The following LRRC36 variants were observed in gnomAD, a reference collection of about 807,000 sequenced individuals.
The protein encoded by LRRC36 is leucine-rich repeat-containing protein 36.
LRRC36 carries 62 observed loss-of-function variants against 81.1 expected under a neutral mutation model. The observed-to-expected ratio is 0.76, with a 90% confidence interval of 0.62 to 0.94. The LOEUF (loss-of-function observed/expected upper bound fraction) is 0.94, where lower values mean the gene tolerates loss of function less well. Among genes scored for constraint, LRRC36 ranks in the 40% least tolerant of loss-of-function variants. The pLI is 0.00. For missense variants in LRRC36, 761 were observed against 881.7 expected (o/e 0.86, Z 1.73); for synonymous variants, 334 against 348.6 (o/e 0.96, Z 0.47).
At chr16:67,358,411 C>T (rs2038995300) in intron 5 of LRRC36, among the ~76,000 whole-genome samples, 1 of 151,896 alleles carries the variant, frequency 6.6e-6, no homozygotes, top group African/African-American at 2.4e-5. Context: ...GGCACAGTCA[C>T]AGCTCACTGC....
chr16:67,362,179 C>T (rs752704389), intron 5 of LRRC36: 1 of 452,924 alleles, frequency 2.2e-6, no homozygotes, highest in South Asian at 1.6e-5. Context: ...TTTTTTCTTC[C>T]CGAGAAAGAG....
intron 9 of LRRC36, 151 bp downstream of exon 9, chr16:67,371,393 C>G: frequency 3.4e-6 from 3 of 873,906 alleles, no homozygotes; most frequent in Non-Finnish European, 5.5e-6. Flanking sequence ...GCCAAGCTAA[C>G]ACCTGTTGAG....
chr16:67,368,284 T>C (rs1257373903), intron 8 of LRRC36, among the ~76,000 whole-genome samples: 1 of 152,206 alleles, frequency 6.6e-6, no homozygotes, highest in Non-Finnish European at 1.5e-5. Flanking sequence ...ATGATAAACA[T>C]TTTAGCATGC....
At chr16:67,329,634 A>G (rs2037377929) in intron 1 of LRRC36, among the ~76,000 whole-genome samples, 1 of 152,102 alleles carries the variant, frequency 6.6e-6, no homozygotes, top group Admixed American at 6.6e-5. Flanking sequence ...ATTAGAATCC[A>G]TGGCCGGGTG....
intron 1 of LRRC36, chr16:67,336,605 G>A (rs1007963037): frequency 6.6e-6 from 1 of 152,082 alleles, no homozygotes; most frequent in Non-Finnish European, 1.5e-5. Flanking sequence ...GTTTAGTGGA[G>A]TGTCTGGTTT....
chr16:67,385,072 C>T lies in LRRC36; in HGVS notation c.2248C>T (p.Pro750Ser), dbSNP rs767727566. 1.9e-6 allele frequency: 3 copies of T among 1,613,762 alleles called. No homozygotes were observed. The highest frequency in any genetic ancestry group is 2.2e-5 in the South Asian group (2 of 91,060). The change falls in exon 14 of 14, where the codon CCA (proline) becomes TCA (serine). Residue 750 changes from proline to serine, a missense_variant. This residue lies in a region of LRRC36 where 359 missense variants were observed against 388.4 expected (regional missense o/e 0.92). Transcript: ENST00000329956. Reference protein sequence around the residue: ...YLIQSVLDAAPEPGL With the variant: ...YLIQSVLDAASEPGL ...AATACAGAGCGTCTTGGATGCTGCC[C>T]CAGAGCCTGGCTTATAGAGCTAGCA...
At chr16:67,363,839 T>TCCTTTAAAAGGGTC in intron 6 of LRRC36, 125 bp downstream of exon 6, 1 of 1,031,994 alleles carries the variant, frequency 9.7e-7, no homozygotes, top group Non-Finnish European at 1.4e-6. Context: ...TTAGACCCTT[T>TCCTTTAAAAGGGTC]TAAAGGAAAG....
intron 9 of LRRC36, among the ~76,000 whole-genome samples, chr16:67,374,786 ATAT>A (rs2039814219): frequency 6.6e-6 from 1 of 152,136 alleles, no homozygotes; most frequent in Non-Finnish European, 1.5e-5. Context: ...GACATAAATA[ATAT>A]TATGCTACTC....
chr16:67,371,196 C>A lies in LRRC36; in HGVS notation c.1448C>A (p.Ala483Asp), dbSNP rs1157096427. The change falls in exon 9 of 14, where the codon GCC (alanine) becomes GAC (aspartate). Residue 483 changes from alanine (A) to aspartate (D), a missense_variant. Coordinates refer to ENST00000329956, the MANE Select transcript of LRRC36 (RefSeq NM_018296.6). ...TTCAAATGGAAGGACAATATCCTTG[C>A]CAACCTGAATCTAAAGCATGGTTTC... ...RGFKWKDNIL[A>D]NLNLKHGFQD... The A allele has an allele frequency of 4.1e-5, 66 of 1,614,086 alleles. No individual in the cohort carries two copies. The highest frequency in any genetic ancestry group is 5.5e-5 in the Non-Finnish European group (65 of 1,180,046).
intron 5 of LRRC36, among the ~76,000 whole-genome samples, chr16:67,357,950 C>A (rs77859169): frequency 6.6e-6 from 1 of 152,102 alleles, no homozygotes; most frequent in Non-Finnish European, 1.5e-5. Context: ...ATTGTCCTGT[C>A]GCATTGATTA....
At chr16:67,375,036 A>G (rs1038587667) in intron 9 of LRRC36, among the ~76,000 whole-genome samples, 3 of 151,964 alleles carry the variant, frequency 2.0e-5, no homozygotes, top group African/African-American at 7.3e-5. Context: ...CTGAGGCACA[A>G]GAATCGCTTG....
intron 8 of LRRC36, among the ~76,000 whole-genome samples, chr16:67,368,462 G>C (rs2039497891): frequency 6.6e-6 from 1 of 152,180 alleles, no homozygotes; most frequent in Non-Finnish European, 1.5e-5. Context: ...TGTGGGTCTG[G>C]GAGGAGAACT....
chr16:67,360,218 G>A (rs2142076026), intron 5 of LRRC36, among the ~76,000 whole-genome samples: 1 of 152,214 alleles, frequency 6.6e-6, no homozygotes, highest in East Asian at 1.9e-4. Flanking sequence ...CTGTACATCA[G>A]AAGAGAGACC....
chr16:67,376,952 G>A (rs922109371), intron 11 of LRRC36, 80 bp downstream of exon 11: 19 of 1,431,642 alleles, frequency 1.3e-5, no homozygotes, highest in East Asian at 4.7e-5. Context: ...CAGCATCACC[G>A]TGAACACCTA....
intron 5 of LRRC36, among the ~76,000 whole-genome samples, chr16:67,361,767 A>G (rs899391872): frequency 2.6e-5 from 4 of 151,958 alleles, no homozygotes; most frequent in African/African-American, 9.7e-5. Flanking sequence ...GAGTTTCACC[A>G]TGTTGGCCAC....
intron 12 of LRRC36, among the ~76,000 whole-genome samples, chr16:67,379,987 G>C (rs1317545444): frequency 6.6e-6 from 1 of 151,730 alleles, no homozygotes; most frequent in Non-Finnish European, 1.5e-5. Context: ...TTTTATAATG[G>C]TTATATAATA....
At position 67,375,303 on chromosome 16, in the gene LRRC36, C is replaced by T. The variant is rs759258986; in HGVS notation, c.1551C>T (p.Pro517=). 2.5e-6 allele frequency: 4 copies of T among 1,612,800 alleles called. No homozygotes were observed. The highest frequency in any genetic ancestry group is 1.3e-5 in the African/African-American group (1 of 74,596). Residue 517 remains proline (P), a synonymous_variant, in exon 10 of 14, where the codon CCC becomes CCT. Coordinates refer to ENST00000329956, the MANE Select transcript of LRRC36 (RefSeq NM_018296.6). ...LHGLAGNHSP[P]ISARTPHVAT... The stretch of plus-strand genomic sequence containing the variant: ...GTTTGGCTGGAAACCACAGTCCCCC[C>T]ATCTCTGCCAGAACCCCCCATGTGG...
In LRRC36 at chr16:67,382,070, T is replaced by C. The variant is rs1341879889; in HGVS notation, c.1931-63T>C. The C allele has an allele frequency of 4.4e-6, 5 of 1,126,882 alleles. No homozygotes were observed. In the African/African-American group the frequency reaches 4.6e-5, roughly 10 times the overall value. 69.8% of individuals were successfully genotyped at this position (1,126,882 alleles called of 1,614,324 possible). A position where few individuals can be genotyped will look rare whatever the true frequency, so the allele number is the denominator to read the frequency against. ...CTCAAGATGTCCATCTGAATACTTATATTCTGCTCAAAGACTAGCAGCTTG... is the reference window on the plus strand; with the variant it reads ...CTCAAGATGTCCATCTGAATACTTACATTCTGCTCAAAGACTAGCAGCTTG... On this transcript the variant is annotated intron_variant, in intron 12 of 13. Transcript: ENST00000329956.
rs1390399692 is a variant in LRRC36, at chr16:67,347,551, T to C, written c.448T>C (p.Leu150=). 1 of 1,613,000 alleles carries C rather than the reference T, an allele frequency of 6.2e-7. No individual in the cohort carries two copies. The highest frequency in any genetic ancestry group is 8.5e-7 in the Non-Finnish European group (1 of 1,179,148). ...AGCTGCCAAGCTGCATTTTAGTCAG[T>C]TGGGCAACAGTGAAAATTTTCTTTT... ...RKAAKLHFSQ[L]GNSENFLLEV... is the part of the protein sequence containing the mutation. Residue 150 remains leucine, a synonymous_variant, in exon 4 of 14, where the codon TTG becomes CTG. Coordinates refer to ENST00000329956, the MANE Select transcript of LRRC36 (RefSeq NM_018296.6).
Sources: gnomAD v4.1 joint callset for allele counts (sites outside exome capture counted in the v4.1 genomes callset) on GRCh38, gnomAD v4.1.1 for gene constraint, gnomAD v4.1.1 regional missense constraint, MANE v1.5 for transcripts, NCBI Gene and HGNC (gene_info 2026-07-23, HGNC 2026-07-21) for gene names.